The following TRIM16 variants were observed in gnomAD, a reference collection of about 807,000 sequenced individuals.
TRIM16 encodes the protein tripartite motif containing 16.
Under a neutral mutation model 50.4 loss-of-function variants are expected in TRIM16, and 33 were observed. The observed-to-expected ratio is 0.65, with a 90% CI of 0.50 to 0.88. The LOEUF is 0.88. Ranked by LOEUF, TRIM16 falls within the 40% of genes least tolerant of loss-of-function variation. The probability of loss-of-function intolerance (pLI) is 0.00; values close to 1 mark genes in which losing one functional copy is unlikely to be tolerated. For synonymous variants in TRIM16, 229 were observed against 270.7 expected, an observed-to-expected ratio of 0.85 and a Z score of 1.51; for missense variants, 581 against 686.8, an observed-to-expected ratio of 0.85 and a Z score of 1.72.
chr17:15,633,093 G>A (rs1205495221), intron 9 of TRIM16, among the ~76,000 whole-genome samples: 1 of 152,192 alleles, frequency 6.6e-6, no homozygotes, highest in Non-Finnish European at 1.5e-5. Context: ...CCTCTTCCTT[G>A]TCAGTTTCAT....
chr17:15,642,527 C>T (rs1987162527), intron 8 of TRIM16, among the ~76,000 whole-genome samples, 194 bp downstream of exon 8: 1 of 149,172 alleles, frequency 6.7e-6, no homozygotes, highest in Admixed American at 6.7e-5. Context: ...AAGCAAATCA[C>T]TTGCCAGGTT....
Position 15,651,477 on chromosome 17 carries a change from C to T in TRIM16, c.133G>A (p.Val45Met), listed in dbSNP as rs199499021. The change falls in exon 7 of 12, where the codon GTG becomes ATG. Residue 45 changes from valine to methionine, a missense_variant. Around this residue, in one of 3 missense-constraint regions of TRIM16, gnomAD observed 450 missense variants for 544.3 expected, o/e 0.83. Coordinates refer to ENST00000649191, the MANE Select transcript of TRIM16 (RefSeq NM_001348119.1). ...CTGCCAAGCTTCTCCGAGGAGCCCACGTCCTCTTCTTCCACTGGGCTGGCT... is the reference window on the plus strand; with the variant it reads ...CTGCCAAGCTTCTCCGAGGAGCCCATGTCCTCTTCTTCCACTGGGCTGGCT... ...GSASPVEEED[V>M]GSSEKLGRET... 4.4e-5 allele frequency: 71 copies of T among 1,611,718 alleles called. No individual in the cohort carries two copies. Among genetic ancestry groups the T allele is most frequent in the Middle Eastern group, 1.7e-4 (1 of 6,038 alleles).
intron 7 of TRIM16, among the ~76,000 whole-genome samples, chr17:15,644,255 G>A (rs1351448117): frequency 1.3e-5 from 2 of 151,964 alleles, no homozygotes; most frequent in Non-Finnish European, 2.9e-5. Context: ...GCGCGATCTC[G>A]ACTCACTGCA....
At chr17:15,659,884 A>G (rs1307728287) in intron 6 of TRIM16, among the ~76,000 whole-genome samples, 1 of 152,202 alleles carries the variant, frequency 6.6e-6, no homozygotes, top group Non-Finnish European at 1.5e-5. Context: ...CTCACCTTCA[A>G]AAAGGGCAGA....
chr17:15,654,591 C>T (rs531992764), intron 6 of TRIM16: 13 of 152,322 alleles, frequency 8.5e-5, no homozygotes, highest in African/African-American at 2.9e-4. Context: ...CTCCCTTTCC[C>T]AGGCATTGTG....
chr17:15,648,260 C>CAA (rs199625595), intron 7 of TRIM16, among the ~76,000 whole-genome samples: 17 of 133,340 alleles, frequency 1.3e-4, no homozygotes, highest in African/African-American at 3.7e-4. Context: ...AACAAACAAA[C>CAA]AAACAAAAAA....
At chr17:15,645,877 G>C (rs1192672439) in intron 7 of TRIM16, among the ~76,000 whole-genome samples, 1 of 152,214 alleles carries the variant, frequency 6.6e-6, no homozygotes, top group Non-Finnish European at 1.5e-5. Flanking sequence ...GGGGAGTGGG[G>C]GTGGATCTGG....
chr17:15,667,542 C>T (rs1236162651), intron 6 of TRIM16, among the ~76,000 whole-genome samples: 3 of 151,364 alleles, frequency 2.0e-5, no homozygotes, highest in Non-Finnish European at 4.4e-5. Flanking sequence ...CTTTTTTTTT[C>T]CCCCAGAGAG....
In TRIM16 at chr17:15,665,409, T is replaced by C. The variant is rs1280228819; in HGVS notation, c.-338+11767A>G. On this transcript the variant is annotated intron_variant, in intron 6 of 11. Coordinates refer to ENST00000649191, the MANE Select transcript of TRIM16 (RefSeq NM_001348119.1). The stretch of plus-strand genomic sequence containing the variant: ...CTGTAGTCCCAGCTACTCAGGAGGC[T>C]GAGGCAGGAGAATGGCGTGAACCCG... Among the ~76,000 whole-genome samples, 4 of 152,256 alleles carry C rather than the reference T, an allele frequency of 2.6e-5. No individual in the cohort carries two copies. In the East Asian group the frequency reaches 7.7e-4, roughly 29 times the overall value.
rs1987726586 is a variant in TRIM16, at chr17:15,651,858, C to T, written c.-249G>A. On this transcript the variant is annotated 5_prime_UTR_variant, in exon 7 of 12. Transcript: ENST00000649191. ...CAGCCGGCTCAGGCTCAGGCTGCCT[C>T]CCCAGGTCCAGCCCTGAAACTTCTA... 1 of 1,418,170 alleles carries T rather than the reference C, an allele frequency of 7.1e-7. No homozygotes were observed. Among genetic ancestry groups the T allele is most frequent in the Admixed American group, 2.9e-5 (1 of 34,350 alleles). The allele number at this position is 1,418,170 out of a possible 1,614,324, so 87.8% of individuals were successfully genotyped here. A position where few individuals can be genotyped will look rare whatever the true frequency, so the allele number is the denominator to read the frequency against.
At chr17:15,681,147 G>C in intron 3 of TRIM16, 194 bp from the exon 4 acceptor site, 5 of 495,792 alleles carry the variant, frequency 1.0e-5, no homozygotes, top group Non-Finnish European at 1.7e-5. Flanking sequence ...CTCAGGGAAA[G>C]GTATGACCAT....
At chr17:15,644,198 T>C (rs903873491) in intron 7 of TRIM16, among the ~76,000 whole-genome samples, 1 of 152,098 alleles carries the variant, frequency 6.6e-6, no homozygotes, top group Non-Finnish European at 1.5e-5. Flanking sequence ...TGTCTTTGTT[T>C]ATTTTGAGAT....
intron 3 of TRIM16, 133 bp from the exon 4 acceptor site, chr17:15,681,086 T>C (rs1989165280): frequency 1.3e-6 from 1 of 754,912 alleles, no homozygotes; most frequent in South Asian, 2.1e-5. Context: ...TTTACAGACA[T>C]CTATGTAATG....
rs1987699074 is a variant in TRIM16 at position 15,651,442 on chromosome 17, C to T, written c.168G>A (p.Glu56=). ...GSSEKLGRET[E]EQDSDSAEQG... is the part of the protein sequence containing the mutation. ...GCTCTGCAGAGTCGCTGTCCTGTTC[C>T]TCCGTCTCCCTGCCAAGCTTCTCCG... The change falls in exon 7 of 12, where the codon GAG becomes GAA. Residue 56 remains glutamate, a synonymous_variant. Coordinates refer to ENST00000649191, the MANE Select transcript of TRIM16 (RefSeq NM_001348119.1). 1.9e-6 allele frequency: 3 copies of T among 1,612,662 alleles called. No homozygotes were observed. Among genetic ancestry groups the T allele is most frequent in the Non-Finnish European group, 2.5e-6 (3 of 1,178,976 alleles).
In TRIM16 at chr17:15,634,369, C is replaced by T. The variant is rs1322548716; in HGVS notation, c.849+1667G>A. ...AATTGGCCGGGCGCGGTGGCTCACT[C>T]CTGTAATCGCAACACTTTGGGAGGC... On this transcript the variant is annotated intron_variant, in intron 9 of 11. Transcript: ENST00000649191. Among the ~76,000 whole-genome samples, 9 of 146,844 alleles carry T rather than the reference C, an allele frequency of 6.1e-5. 1 individual carries two copies. Among genetic ancestry groups the T allele is most frequent in the Non-Finnish European group, 1.5e-5 (1 of 66,596 alleles).
intron 9 of TRIM16, among the ~76,000 whole-genome samples, chr17:15,635,641 A>G (rs897134822): frequency 8.4e-6 from 1 of 119,532 alleles, no homozygotes; most frequent in Admixed American, 8.4e-5. Context: ...AACCCTTCCC[A>G]GCCATACACC....
intron 3 of TRIM16, 136 bp downstream of exon 3, chr17:15,682,718 C>T (rs543115123): frequency 8.3e-6 from 7 of 839,844 alleles, no homozygotes; most frequent in East Asian, 5.6e-5. Flanking sequence ...CCAAGGAGTC[C>T]GACTTATCCC....
At position 15,677,856 on chromosome 17, in the gene TRIM16, G is replaced by T. The variant is rs1364375712; in HGVS notation, c.-589-135C>A. ...TTAAAGAATCTTAAAATCTTAAAATGTGTATACCCCTCTGACATAATTTGA... is the reference window on the plus strand; with the variant it reads ...TTAAAGAATCTTAAAATCTTAAAATTTGTATACCCCTCTGACATAATTTGA... On this transcript the variant is annotated intron_variant, in intron 4 of 11. Transcript: ENST00000649191. 7.1e-6 allele frequency: 5 copies of T among 701,226 alleles called. No homozygotes were observed. In the African/African-American group the frequency reaches 7.8e-5, roughly 11 times the overall value. The allele number at this position is 701,226 out of a possible 1,614,324, so 43.4% of individuals were successfully genotyped here.
At chr17:15,657,384 A>G (rs984206565) in intron 6 of TRIM16, among the ~76,000 whole-genome samples, 2 of 152,150 alleles carry the variant, frequency 1.3e-5, no homozygotes, top group African/African-American at 4.8e-5. Context: ...TTACAGGTGC[A>G]CACTACTGTG....
Sources: allele counts gnomAD v4.1 joint callset (sites outside exome capture counted in the v4.1 genomes callset), GRCh38; gene constraint gnomAD v4.1.1; regional missense constraint gnomAD v4.1.1; transcripts MANE v1.5; gene names NCBI Gene and HGNC (gene_info 2026-07-23, HGNC 2026-07-21).